The following CSPP1 variants were observed in gnomAD, a reference collection of about 807,000 sequenced individuals.
The protein encoded by CSPP1 is centrosome and spindle pole-associated protein 1.
In CSPP1, 126 loss-of-function variants were observed where a neutral mutation model predicts 164.4. The ratio of observed to expected loss-of-function variants is 0.77; its 90% CI spans 0.66 to 0.89. The LOEUF is 0.89. Among genes scored for constraint, CSPP1 ranks in the 40% least tolerant of loss-of-function variants. CSPP1 has a pLI of 0.00. For synonymous variants in CSPP1, 472 were observed against 476.7 expected, an observed-to-expected ratio of 0.99 and a Z score of 0.13; for missense variants, 1,395 against 1,449.8, an observed-to-expected ratio of 0.96 and a Z score of 0.61.
At chr8:67,178,813 C>T (rs1333048679) in intron 27 of CSPP1, among the ~76,000 whole-genome samples, 1 of 152,088 alleles carries the variant, frequency 6.6e-6, no homozygotes, top group Non-Finnish European at 1.5e-5. Flanking sequence ...CGAGGGGAGG[C>T]AGCAGGGCCT....
Position 67,172,615 on chromosome 8 carries a change from T to TTGTTTTTCACCTAGATTTACA in CSPP1, c.2968+60_2968+61insTGTTTTTCACCTAGATTTACA. On this transcript the variant is annotated intron_variant, in intron 25 of 30. Transcript: ENST00000678616. ...GAAGTGTTCTACCCATATTTAAATATCTATAAAGATCTTTGTACCCTTTTT... is the reference window on the plus strand; with the variant it reads ...GAAGTGTTCTACCCATATTTAAATATTGTTTTTCACCTAGATTTACACTATAAAGATCTTTGTACCCTTTTT... 2.9e-6 allele frequency: 4 copies of TTGTTTTTCACCTAGATTTACA among 1,369,630 alleles called. No homozygotes were observed. The African/African-American group carries it at 4.4e-5, about 15-fold the overall frequency. 84.8% of individuals were successfully genotyped at this position (1,369,630 alleles called of 1,614,324 possible). A position where few individuals can be genotyped will look rare whatever the true frequency, so the allele number is the denominator to read the frequency against.
intron 25 of CSPP1, chr8:67,174,217 A>G (rs1330003287): frequency 6.6e-6 from 1 of 152,140 alleles, no homozygotes; most frequent in Non-Finnish European, 1.5e-5. Flanking sequence ...CAGTGAAGCC[A>G]GGGACCAATC....
chr8:67,160,692 G>T (rs1427636805), intron 21 of CSPP1, among the ~76,000 whole-genome samples: 2 of 150,514 alleles, frequency 1.3e-5, no homozygotes, highest in Non-Finnish European at 3.0e-5. Context: ...ATGTATGTCT[G>T]ATATATATAT....
At chr8:67,094,634 G>C (rs1341009445) in intron 6 of CSPP1, among the ~76,000 whole-genome samples, 2 of 151,744 alleles carry the variant, frequency 1.3e-5, no homozygotes, top group East Asian at 3.9e-4. Flanking sequence ...GATTAATGTT[G>C]CCTAGGCTGG....
chr8:67,104,190 G>T (rs1814833626), intron 8 of CSPP1, among the ~76,000 whole-genome samples: 1 of 150,942 alleles, frequency 6.6e-6, no homozygotes, highest in African/African-American at 2.4e-5. Flanking sequence ...AAGATAATTT[G>T]CTGTTTTGTT....
intron 24 of CSPP1, among the ~76,000 whole-genome samples, chr8:67,167,903 G>A (rs1270887432): frequency 1.3e-5 from 2 of 152,204 alleles, no homozygotes; most frequent in Admixed American, 1.3e-4. Flanking sequence ...GTGGCGGCCG[G>A]GCAGAGGCTG....
intron 15 of CSPP1, among the ~76,000 whole-genome samples, chr8:67,128,929 G>A (rs1820657993): frequency 6.6e-6 from 1 of 151,990 alleles, no homozygotes; most frequent in African/African-American, 2.4e-5. Context: ...CGTTAATTGG[G>A]GTAATAATGG....
At chr8:67,166,091 G>T (rs1003112820) in intron 24 of CSPP1, among the ~76,000 whole-genome samples, 11 of 152,122 alleles carry the variant, frequency 7.2e-5, no homozygotes, top group African/African-American at 2.7e-4. Context: ...AGCTCTTTCA[G>T]GTTGGCTCCC....
At chr8:67,168,914 T>C (rs1829991602) in intron 24 of CSPP1, among the ~76,000 whole-genome samples, 1 of 152,202 alleles carries the variant, frequency 6.6e-6, no homozygotes, top group Non-Finnish European at 1.5e-5. Flanking sequence ...TTTAGTATTT[T>C]GCATTATAGT....
chr8:67,184,434 A>C (rs1178494186), intron 28 of CSPP1, among the ~76,000 whole-genome samples: 1 of 152,186 alleles, frequency 6.6e-6, no homozygotes, highest in Non-Finnish European at 1.5e-5. Flanking sequence ...CAAATTACTA[A>C]TACCAGAAAC....
At chr8:67,137,425 G>C in intron 16 of CSPP1, 31 bp from the exon 17 acceptor site, 1 of 1,358,400 alleles carries the variant, frequency 7.4e-7, no homozygotes, top group East Asian at 2.6e-5. Flanking sequence ...ACTTGTCAGC[G>C]TTTATTTTAA....
intron 17 of CSPP1, among the ~76,000 whole-genome samples, chr8:67,137,874 A>G (rs1822676958): frequency 6.6e-6 from 1 of 152,200 alleles, no homozygotes; most frequent in South Asian, 2.1e-4. Context: ...TTAGTTGATA[A>G]GTTTTTACTG....
chr8:67,187,007 A>G (rs748160853), intron 28 of CSPP1, among the ~76,000 whole-genome samples: 1 of 150,726 alleles, frequency 6.6e-6, no homozygotes, highest in Non-Finnish European at 1.5e-5. Context: ...CTATCTATCT[A>G]TCTATCTAAT....
chr8:67,125,707 C>T (rs1288968043), intron 15 of CSPP1, among the ~76,000 whole-genome samples: 3 of 152,124 alleles, frequency 2.0e-5, no homozygotes, highest in Non-Finnish European at 4.4e-5. Flanking sequence ...TCTGCCTGCT[C>T]GAATGTGCTC....
chr8:67,111,340 A>G (rs1816796138), intron 9 of CSPP1, among the ~76,000 whole-genome samples: 1 of 152,142 alleles, frequency 6.6e-6, no homozygotes, highest in African/African-American at 2.4e-5. Context: ...TGATTAGTGT[A>G]TTTTATGACA....
Position 67,163,814 on chromosome 8 carries a change from A to C in CSPP1, c.2710+16A>C, listed in dbSNP as rs1828823315. 1.3e-6 allele frequency: 2 copies of C among 1,573,054 alleles called. No homozygotes were observed. The highest frequency in any genetic ancestry group is 1.7e-6 in the Non-Finnish European group (2 of 1,146,714). On this transcript the variant is annotated intron_variant, in intron 23 of 30. Transcript: ENST00000678616. ...CGTGCAGAAGGTAGAGTTAACTACT[A>C]AACCTGTTACCTAGAGTATTTCTCT...
intron 28 of CSPP1, among the ~76,000 whole-genome samples, chr8:67,185,525 A>G (rs1016963627): frequency 6.6e-5 from 10 of 152,190 alleles, no homozygotes; most frequent in African/African-American, 2.2e-4. Context: ...GGGGGCTTTG[A>G]AATAACATCA....
At chr8:67,171,828 G>C (rs1312719893) in intron 24 of CSPP1, among the ~76,000 whole-genome samples, 1 of 144,860 alleles carries the variant, frequency 6.9e-6, no homozygotes, top group Non-Finnish European at 1.5e-5. Flanking sequence ...GATTACAGGT[G>C]TGAGCCACCA....
intron 15 of CSPP1, among the ~76,000 whole-genome samples, chr8:67,123,316 C>A (rs1258018139): frequency 6.6e-6 from 1 of 152,138 alleles, no homozygotes; most frequent in Admixed American, 6.5e-5. Context: ...AGATTTGACC[C>A]TTTTATTAGT....
Sources: allele counts gnomAD v4.1 joint callset (sites outside exome capture counted in the v4.1 genomes callset), GRCh38; gene constraint gnomAD v4.1.1; transcripts MANE v1.5; gene names NCBI Gene and HGNC (gene_info 2026-07-23, HGNC 2026-07-21).